CRTC3: variants seen among roughly 807,000 people sequenced by gnomAD.
CRTC3 encodes CREB-regulated transcription coactivator 3.
Under a neutral mutation model 74.5 loss-of-function variants are expected in CRTC3, and 26 were observed. That is an observed-to-expected ratio of 0.35 (90% CI 0.26 to 0.48). CRTC3 has a LOEUF of 0.48. CRTC3 is among the 20% of genes least tolerant of loss of function. The probability of loss-of-function intolerance (pLI) is 0.99; values close to 1 mark genes in which losing one functional copy is unlikely to be tolerated. For missense variants in CRTC3, 760 were observed against 787.3 expected, an observed-to-expected ratio of 0.97 and a Z score of 0.41; for synonymous variants, 377 against 325.8, an observed-to-expected ratio of 1.16 and a Z score of -1.69.
chr15:90,602,875 G>A (rs192395667), intron 4 of CRTC3, among the ~76,000 whole-genome samples: 3 of 151,988 alleles, frequency 2.0e-5, no homozygotes, highest in Admixed American at 2.0e-4. Flanking sequence ...TTGGGAGGCT[G>A]AAGCAGGAGA....
chr15:90,567,578 C>T (rs1596088287), intron 2 of CRTC3, among the ~76,000 whole-genome samples: 2 of 152,144 alleles, frequency 1.3e-5, no homozygotes, highest in East Asian at 3.9e-4. Context: ...ATCCCAGCTA[C>T]TCGGGAAGCT....
chr15:90,583,281 T>C (rs1967585163), intron 2 of CRTC3, among the ~76,000 whole-genome samples: 2 of 152,358 alleles, frequency 1.3e-5, no homozygotes, highest in Middle Eastern at 3.4e-3. Context: ...CCTTTTAACT[T>C]AGTTTATCTG....
rs772925307 is a variant in CRTC3 at position 90,619,766 on chromosome 15, G to A, written c.725G>A (p.Arg242Gln). Residue 242 changes from arginine to glutamine, a missense_variant, in exon 9 of 15, where the codon CGA becomes CAA. Arg to Gln is a conservative substitution (Grantham distance 43). Coordinates refer to ENST00000268184, the MANE Select transcript of CRTC3 (RefSeq NM_022769.5). ...ATTCAGTCCCTGTCAGGACGCCCTCGATCCTGTGATGTTGGAGGTGGCAAG... is the reference window on the plus strand; with the variant it reads ...ATTCAGTCCCTGTCAGGACGCCCTCAATCCTGTGATGTTGGAGGTGGCAAG... ...KEIQSLSGRP[R>Q]SCDVGGGNAF... is the part of the protein sequence containing the mutation. 2.7e-5 allele frequency: 43 copies of A among 1,613,672 alleles called. No individual in the cohort carries two copies. The highest frequency in any genetic ancestry group is 6.6e-5 in the South Asian group (6 of 91,068).
At chr15:90,537,342 A>G (rs1160957456) in intron 1 of CRTC3, among the ~76,000 whole-genome samples, 1 of 152,230 alleles carries the variant, frequency 6.6e-6, no homozygotes, top group East Asian at 1.9e-4. Context: ...TTGCCCAACC[A>G]CACGGGAGTT....
At chr15:90,599,021 G>A (rs1968002938) in intron 3 of CRTC3, 1 of 156,454 alleles carries the variant, frequency 6.4e-6, no homozygotes, top group South Asian at 1.9e-4. Flanking sequence ...GGCAGGTGTG[G>A]CCTGAGGCTG....
intron 8 of CRTC3, chr15:90,618,198 GACTT>G (rs1296021863): frequency 6.2e-6 from 1 of 162,534 alleles, no homozygotes; most frequent in African/African-American, 4.4e-5. Flanking sequence ...CATATGAATT[GACTT>G]ATTTAAAAAA....
intron 14 of CRTC3, among the ~76,000 whole-genome samples, chr15:90,641,704 C>T (rs1325157304): frequency 6.7e-6 from 1 of 148,366 alleles, no homozygotes; most frequent in East Asian, 1.9e-4. Context: ...AAAAAGATTT[C>T]ATCTTAGGTG....
At chr15:90,535,010 A>G (rs1432404725) in intron 1 of CRTC3, among the ~76,000 whole-genome samples, 3 of 151,960 alleles carry the variant, frequency 2.0e-5, no homozygotes, top group African/African-American at 7.3e-5. Flanking sequence ...AAATACAAAA[A>G]ATTAGCCAGG....
Position 90,642,843 on chromosome 15 carries a change from A to G in CRTC3, c.*703A>G, listed in dbSNP as rs892359350. The G allele has an allele frequency of 2.1e-5, 5 of 233,068 alleles. No homozygotes were observed. The highest frequency in any genetic ancestry group is 1.1e-4 in the African/African-American group (5 of 45,418). The allele number at this position is 233,068 out of a possible 1,614,324, so 14.4% of individuals were successfully genotyped here. Reference sequence around the variant, plus strand: ...AAGACCATTTTATCAGTCACTGAAAAGAGTCCCCTGGCACTGATGAGCCTG... The same window carrying G: ...AAGACCATTTTATCAGTCACTGAAAGGAGTCCCCTGGCACTGATGAGCCTG... On this transcript the variant is annotated 3_prime_UTR_variant, in exon 15 of 15. Transcript: ENST00000268184.
intron 7 of CRTC3, among the ~76,000 whole-genome samples, chr15:90,614,888 A>AC (rs1243500563): frequency 6.6e-6 from 1 of 151,912 alleles, no homozygotes. Flanking sequence ...ACATGGTGAA[A>AC]CCCCGTCTCT....
At chr15:90,553,091 G>A (rs1169977532) in intron 2 of CRTC3, among the ~76,000 whole-genome samples, 2 of 152,108 alleles carry the variant, frequency 1.3e-5, no homozygotes, top group African/African-American at 4.8e-5. Flanking sequence ...AATTATTTTA[G>A]CATGAATTAT....
intron 2 of CRTC3, among the ~76,000 whole-genome samples, chr15:90,546,125 T>A (rs1366567409): frequency 1.3e-5 from 2 of 152,198 alleles, no homozygotes; most frequent in African/African-American, 4.8e-5. Flanking sequence ...TTCATCTAAC[T>A]CAAGTTCCCG....
intron 2 of CRTC3, among the ~76,000 whole-genome samples, chr15:90,544,194 G>GTCCT (rs1352577866): frequency 1.3e-5 from 2 of 152,198 alleles, no homozygotes; most frequent in Admixed American, 6.5e-5. Context: ...GTCTGCGGCA[G>GTCCT]TCCTTAACTT....
intron 2 of CRTC3, among the ~76,000 whole-genome samples, chr15:90,587,130 T>TC (rs1308503640): frequency 4.6e-5 from 7 of 152,054 alleles, no homozygotes; most frequent in African/African-American, 1.7e-4. Context: ...GGAAGTAATT[T>TC]CCCCCCTAGG....
At position 90,617,899 on chromosome 15, in the gene CRTC3, C is replaced by G. The variant is rs753545725; in HGVS notation, c.630C>G (p.Gly210=). Residue 210 remains glycine, a synonymous_variant, in exon 8 of 15, where the codon GGC becomes GGG. Transcript: ENST00000268184. ...NGHGEVASFP[G]PLKEENLLNV... is the part of the protein sequence containing the mutation. ...TCCCTTTAGTAGCATCTTTCCCTGGCCCATTGAAAGAAGAGAATCTGTTAA... is the reference window on the plus strand; with the variant it reads ...TCCCTTTAGTAGCATCTTTCCCTGGGCCATTGAAAGAAGAGAATCTGTTAA... 2 of 1,611,140 alleles carry G rather than the reference C, an allele frequency of 1.2e-6. No individual in the cohort carries two copies. The highest frequency in any genetic ancestry group is 1.7e-6 in the Non-Finnish European group (2 of 1,177,470).
At chr15:90,571,591 AT>A (rs1967266692) in intron 2 of CRTC3, among the ~76,000 whole-genome samples, 1 of 152,172 alleles carries the variant, frequency 6.6e-6, no homozygotes, top group Non-Finnish European at 1.5e-5. Context: ...TATTGGAAGG[AT>A]ATTCATTTGC....
chr15:90,638,137 C>G (rs1385638789), intron 11 of CRTC3: 7 of 275,046 alleles, frequency 2.5e-5, no homozygotes, highest in Non-Finnish European at 4.5e-5. Context: ...AACCAGAAGA[C>G]ACGGCTATAA....
chr15:90,552,510 G>A (rs1966861937), intron 2 of CRTC3, among the ~76,000 whole-genome samples: 1 of 151,274 alleles, frequency 6.6e-6, no homozygotes, highest in Non-Finnish European at 1.5e-5. Context: ...GTCTCCTGGA[G>A]TATGGGCAGT....
At chr15:90,606,741 C>T (rs1183026645) in intron 5 of CRTC3, 1 of 151,902 alleles carries the variant, frequency 6.6e-6, no homozygotes, top group Non-Finnish European at 1.5e-5. Context: ...TGAAAAGAAA[C>T]ACAAAAAAAG....
Sources: allele counts gnomAD v4.1 joint callset (sites outside exome capture counted in the v4.1 genomes callset), GRCh38; gene constraint gnomAD v4.1.1; transcripts MANE v1.5; gene names NCBI Gene and HGNC (gene_info 2026-07-23, HGNC 2026-07-21).